Variants in METTL4 observed in about 807,000 individuals in gnomAD.
METTL4 encodes methyltransferase 4, N6-adenosine, also known as N(6)-adenine-specific methyltransferase METTL4.
In METTL4, 40 loss-of-function variants were observed where a neutral mutation model predicts 54.0. The observed-to-expected ratio is 0.74, with a 90% CI of 0.58 to 0.96. The LOEUF (loss-of-function observed/expected upper bound fraction) is 0.96. Among genes scored for constraint, METTL4 ranks in the 50% least tolerant of loss-of-function variants. The pLI is 0.00. For missense variants in METTL4, 525 were observed against 549.0 expected, an observed-to-expected ratio of 0.96 and a Z score of 0.44; for synonymous variants, 169 against 183.8, an observed-to-expected ratio of 0.92 and a Z score of 0.65.
chr18:2,548,408 C>T (rs2072104309), intron 5 of METTL4, among the ~76,000 whole-genome samples: 2 of 152,052 alleles, frequency 1.3e-5, no homozygotes, highest in Non-Finnish European at 2.9e-5. Context: ...GGTATGCTAT[C>T]CAGCTATGTT....
intron 5 of METTL4, among the ~76,000 whole-genome samples, chr18:2,549,030 C>G (rs868398750): frequency 6.6e-6 from 1 of 152,312 alleles, no homozygotes; most frequent in Middle Eastern, 3.4e-3. Flanking sequence ...CAAACCCTCA[C>G]CACTCTTCAG....
chr18:2,549,512 T>G (rs990397133), intron 5 of METTL4, among the ~76,000 whole-genome samples: 2 of 151,738 alleles, frequency 1.3e-5, no homozygotes, highest in Non-Finnish European at 2.9e-5. Flanking sequence ...AGGACTTGTA[T>G]GCAAATCCTA....
intron 8 of METTL4, among the ~76,000 whole-genome samples, chr18:2,542,056 G>A (rs2143469052): frequency 6.6e-6 from 1 of 152,174 alleles, no homozygotes; most frequent in African/African-American, 2.4e-5. Context: ...TATATATATG[G>A]AGTTATTCAG....
chr18:2,557,832 T>C (rs2072261193), intron 3 of METTL4, among the ~76,000 whole-genome samples: 1 of 152,176 alleles, frequency 6.6e-6, no homozygotes, highest in African/African-American at 2.4e-5. Context: ...TCTGCTAGCA[T>C]CCATGAAACT....
chr18:2,554,834 C>A lies in METTL4; in HGVS notation c.664G>T (p.Val222Leu). The stretch of plus-strand genomic sequence containing the variant: ...TCTGTAACAGATGTATCCTCTTCCA[C>A]CAATTGTAATGTCTGATGTTCCATT... ...NEMEHQTLQL[V>L]EEDTSVTEQD... Residue 222 changes from valine to leucine, a missense_variant, in exon 4 of 9, where the codon GTG (valine) becomes TTG (leucine). Coordinates refer to ENST00000574538, the MANE Select transcript of METTL4 (RefSeq NM_022840.5). The A allele has an allele frequency of 1.2e-6, 2 of 1,613,920 alleles. No homozygotes were observed. The highest frequency in any genetic ancestry group is 1.7e-6 in the Non-Finnish European group (2 of 1,179,898).
rs1468998765 is a variant in METTL4 at position 2,539,053 on chromosome 18, C to A, written c.1366G>T (p.Val456Phe). The change falls in exon 9 of 9, where the codon GTT (valine) becomes TTT (phenylalanine). Residue 456 changes from valine (V) to phenylalanine (F), a missense_variant. Physicochemically the swap from Val to Phe is conservative, Grantham distance 50. Coordinates refer to ENST00000574538, the MANE Select transcript of METTL4 (RefSeq NM_022840.5). ...TAATCCACATGCTGAAATTTGAGAA[C>A]TTCATTGCCCCAACTAGTCCAACCT... ...QPGWTSWGNE[V>F]LKFQHVDYFI... The A allele has an allele frequency of 6.2e-7, 1 of 1,613,850 alleles. No homozygotes were observed. The highest frequency in any genetic ancestry group is 1.3e-5 in the African/African-American group (1 of 74,918).
chr18:2,544,995 C>G lies in METTL4; in HGVS notation c.1075-236G>C, dbSNP rs555948841. ...CAGTCTAACATACTTGAAATACTGT[C>G]ATTTCAATATGTAATCAATTCAAAA... On this transcript the variant is annotated intron_variant, in intron 6 of 8. Transcript: ENST00000574538. Among the ~76,000 whole-genome samples the G allele has an allele frequency of 1.7e-4, 26 of 151,926 alleles. 1 individual carries two copies. In the Middle Eastern group the frequency reaches 0.014, roughly 80 times the overall value.
At chr18:2,546,570 C>T (rs1338000383) in intron 6 of METTL4, among the ~76,000 whole-genome samples, 3 of 152,020 alleles carry the variant, frequency 2.0e-5, no homozygotes, top group African/African-American at 7.2e-5. Context: ...AGTACAACTC[C>T]ACTGTGTCAA....
At chr18:2,559,741 G>GT (rs753623900) in intron 3 of METTL4, among the ~76,000 whole-genome samples, 2 of 151,972 alleles carry the variant, frequency 1.3e-5, no homozygotes, top group African/African-American at 4.8e-5. Flanking sequence ...TCTGTTTTTT[G>GT]TTTTTTATTT....
intron 8 of METTL4, chr18:2,540,743 G>T: frequency 1.0e-6 from 1 of 985,410 alleles, no homozygotes; most frequent in Non-Finnish European, 1.2e-6. Context: ...TTCTTCCCAT[G>T]AATTTAACGC....
In METTL4 at chr18:2,571,440, G is replaced by C. The variant is rs1306615908; in HGVS notation, c.-730C>G. Reference sequence around the variant, plus strand: ...CGGCCACACTGGCCCACAGACCCCAGTTCCTGGGGTGACGCAGCTGGGCGC... The same window carrying C: ...CGGCCACACTGGCCCACAGACCCCACTTCCTGGGGTGACGCAGCTGGGCGC... On this transcript the variant is annotated 5_prime_UTR_variant, in exon 1 of 9. Coordinates refer to ENST00000574538, the MANE Select transcript of METTL4 (RefSeq NM_022840.5). 1 of 152,250 alleles carries C rather than the reference G, an allele frequency of 6.6e-6. No individual in the cohort carries two copies. The highest frequency in any genetic ancestry group is 6.5e-5 in the Admixed American group (1 of 15,288). The allele number at this position is 152,250 out of a possible 1,614,324, so 9.4% of individuals were successfully genotyped here.
At chr18:2,547,650 GTA>G (rs1269236538) in intron 5 of METTL4, 121 bp from the exon 6 acceptor site, 2 of 679,386 alleles carry the variant, frequency 2.9e-6, no homozygotes, top group South Asian at 3.5e-5. Context: ...ATTTATTTGT[GTA>G]GCAAAATATA....
chr18:2,557,406 G>T (rs1489857098), intron 3 of METTL4, among the ~76,000 whole-genome samples: 2 of 152,176 alleles, frequency 1.3e-5, no homozygotes, highest in Admixed American at 6.5e-5. Flanking sequence ...ATGATTCACA[G>T]GGCAACTGGG....
At chr18:2,546,426 G>A (rs2072071592) in intron 6 of METTL4, among the ~76,000 whole-genome samples, 1 of 151,978 alleles carries the variant, frequency 6.6e-6, no homozygotes, top group Admixed American at 6.6e-5. Flanking sequence ...TATATATGGG[G>A]TTCAGTACCA....
intron 1 of METTL4, among the ~76,000 whole-genome samples, chr18:2,570,078 T>A (rs1483971277): frequency 6.6e-6 from 1 of 152,220 alleles, no homozygotes; most frequent in East Asian, 1.9e-4. Flanking sequence ...GCACACATGA[T>A]CCCTCTGAAT....
intron 3 of METTL4, among the ~76,000 whole-genome samples, chr18:2,561,004 T>C (rs977247503): frequency 2.2e-4 from 34 of 152,114 alleles, no homozygotes; most frequent in African/African-American, 5.1e-4. Context: ...TCTCCTTCAA[T>C]AGGATCAATA....
At chr18:2,563,972 G>T in intron 2 of METTL4, 113 bp from the exon 3 acceptor site, 1 of 619,248 alleles carries the variant, frequency 1.6e-6, no homozygotes, top group Non-Finnish European at 2.7e-6. Flanking sequence ...ATAATTAATA[G>T]TAGTAATTGT....
In METTL4 at chr18:2,555,168, A is replaced by G. The variant is rs140330472; in HGVS notation, c.460-130T>C. On this transcript the variant is annotated intron_variant, in intron 3 of 8. Coordinates refer to ENST00000574538, the MANE Select transcript of METTL4 (RefSeq NM_022840.5). ...ACTTACAGTAAAATAATTCTGTACT[A>G]CAATGAAAAGAATGTGTGAGCACGC... 5.2e-4 allele frequency: 510 copies of G among 977,414 alleles called. 5 individuals are homozygous for G. The East Asian group carries it at 0.011, about 20-fold the overall frequency. 60.5% of individuals were successfully genotyped at this position (977,414 alleles called of 1,614,324 possible). A position where few individuals can be genotyped will look rare whatever the true frequency, so the allele number is the denominator to read the frequency against.
At chr18:2,544,553 T>C in intron 7 of METTL4, 100 bp downstream of exon 7, 2 of 815,524 alleles carry the variant, frequency 2.5e-6, no homozygotes, top group Non-Finnish European at 1.9e-6. Flanking sequence ...TTTCAGAGTT[T>C]CAAAAACATA....
Sources: allele counts gnomAD v4.1 joint callset (sites outside exome capture counted in the v4.1 genomes callset), GRCh38; gene constraint gnomAD v4.1.1; transcripts MANE v1.5; gene names NCBI Gene and HGNC (gene_info 2026-07-23, HGNC 2026-07-21).